Variants in ENOX1 observed in about 807,000 individuals in gnomAD.
ENOX1 encodes candidate growth-related and time keeping constitutive hydroquinone (NADH) oxidase.
In ENOX1, 42 loss-of-function variants were observed where a neutral mutation model predicts 82.5. That is an observed-to-expected ratio of 0.51 (90% confidence interval 0.40 to 0.66). ENOX1 has a LOEUF of 0.66. Among genes scored for constraint, ENOX1 ranks in the 30% least tolerant of loss-of-function variants. The pLI, the probability that ENOX1 is intolerant of heterozygous loss-of-function variation, is 0.00. For synonymous variants in ENOX1, 271 were observed against 282.2 expected (o/e 0.96, Z 0.40); for missense variants, 608 against 811.6 (o/e 0.75, Z 3.05).
At chr13:43,530,478 G>A (rs1307491049) in intron 2 of ENOX1, among the ~76,000 whole-genome samples, 1 of 152,028 alleles carries the variant, frequency 6.6e-6, no homozygotes, top group Non-Finnish European at 1.5e-5. Flanking sequence ...CTTAGAAAAT[G>A]GTTTAGCAGA....
At chr13:43,673,089 G>A (rs2085342829) in intron 1 of ENOX1, among the ~76,000 whole-genome samples, 1 of 151,772 alleles carries the variant, frequency 6.6e-6, no homozygotes, top group Admixed American at 6.6e-5. Context: ...AATAAGCAAT[G>A]GCTTACAGAA....
chr13:43,467,666 G>A (rs1052278030), intron 3 of ENOX1, among the ~76,000 whole-genome samples: 32 of 152,128 alleles, frequency 2.1e-4, no homozygotes, highest in African/African-American at 7.5e-4. Context: ...TTTTGATAAA[G>A]TCTGATTTAT....
In ENOX1 at chr13:43,556,511, G is replaced by A. The variant is rs528236922; in HGVS notation, c.-218-72359C>T. On this transcript the variant is annotated intron_variant, in intron 2 of 16. Transcript: ENST00000690772. ...CTCTCAAACTTCGTAGTAAGTTGAA[G>A]CTGAGAACTAAGAGGTCACATCAGG... is the stretch of plus-strand genomic sequence containing the variant. 8.6e-5 allele frequency among the ~76,000 whole-genome samples: 13 copies of A among 151,892 alleles called. No individual in the cohort carries two copies. In the South Asian group the frequency reaches 2.7e-3, roughly 32 times the overall value.
chr13:43,468,608 A>C (rs538351478), intron 3 of ENOX1, among the ~76,000 whole-genome samples: 1 of 150,168 alleles, frequency 6.7e-6, no homozygotes, highest in African/African-American at 2.4e-5. Context: ...TGGGCAATAT[A>C]GTGAGACCCC....
chr13:43,555,313 C>G (rs1447001395), intron 2 of ENOX1, among the ~76,000 whole-genome samples: 1 of 152,202 alleles, frequency 6.6e-6, no homozygotes, highest in Non-Finnish European at 1.5e-5. Context: ...TCAACCCTTG[C>G]TTTTTTGCCT....
chr13:43,419,421 C>T (rs1439298009), intron 3 of ENOX1, among the ~76,000 whole-genome samples: 1 of 151,962 alleles, frequency 6.6e-6, no homozygotes, highest in Non-Finnish European at 1.5e-5. Context: ...TAGTGCCCTC[C>T]TGTCGTCCCA....
At chr13:43,779,276 G>T (rs1952104904) in intron 1 of ENOX1, among the ~76,000 whole-genome samples, 1 of 152,126 alleles carries the variant, frequency 6.6e-6, no homozygotes, top group Non-Finnish European at 1.5e-5. Flanking sequence ...TATTTATTTG[G>T]GGAGGGGATC....
At chr13:43,727,164 G>A in intron 1 of ENOX1, among the ~76,000 whole-genome samples, 1 of 152,172 alleles carries the variant, frequency 6.6e-6, no homozygotes, top group East Asian at 1.9e-4. Flanking sequence ...TCAGACTCCA[G>A]AGCAAAGGCA....
chr13:43,516,382 G>A (rs2077561671), intron 2 of ENOX1, among the ~76,000 whole-genome samples: 1 of 152,150 alleles, frequency 6.6e-6, no homozygotes, highest in African/African-American at 2.4e-5. Flanking sequence ...CACTCCTGTT[G>A]CACAAAAGGG....
chr13:43,487,779 T>C (rs527785902), intron 2 of ENOX1, among the ~76,000 whole-genome samples: 2 of 152,322 alleles, frequency 1.3e-5, no homozygotes, highest in South Asian at 2.1e-4. Context: ...AAGTATAATA[T>C]AAAGATGTAC....
chr13:43,626,991 G>T (rs577299519), intron 2 of ENOX1, among the ~76,000 whole-genome samples: 1 of 151,550 alleles, frequency 6.6e-6, no homozygotes, highest in South Asian at 2.1e-4. Flanking sequence ...TTAACATTTA[G>T]AATTGCAATA....
intron 3 of ENOX1, among the ~76,000 whole-genome samples, chr13:43,454,100 T>C (rs2057106901): frequency 6.6e-6 from 1 of 152,186 alleles, no homozygotes; most frequent in Non-Finnish European, 1.5e-5. Context: ...TTTCTACTTC[T>C]TATTCCAGTA....
intron 2 of ENOX1, among the ~76,000 whole-genome samples, chr13:43,485,977 G>A (rs1249643123): frequency 6.6e-6 from 1 of 152,110 alleles, no homozygotes; most frequent in African/African-American, 2.4e-5. Context: ...TTGGGAGGCC[G>A]AGGTGGGTGG....
rs552101621 is a variant in ENOX1 at position 43,700,926 on chromosome 13, GCAATA to G, written c.-284-33387_-284-33383del. Among the ~76,000 whole-genome samples, 112 of 152,128 alleles carry G rather than the reference GCAATA, an allele frequency of 7.4e-4. 1 individual carries two copies. The South Asian group carries it at 0.012, about 17-fold the overall frequency. On this transcript the variant is annotated intron_variant, in intron 1 of 16. Transcript: ENST00000690772. ...AGGCAACTGTCCACAATCTATTCTT[GCAATA>G]CACTTTTTCACACATGGAATTTTAA...
chr13:43,349,222 C>T (rs1002918614), intron 8 of ENOX1, among the ~76,000 whole-genome samples: 8 of 152,040 alleles, frequency 5.3e-5, no homozygotes, highest in African/African-American at 9.7e-5. Flanking sequence ...TGAATGATCC[C>T]GTTATACTTC....
intron 13 of ENOX1, among the ~76,000 whole-genome samples, chr13:43,266,697 C>T (rs1214169294): frequency 6.6e-6 from 1 of 152,198 alleles, no homozygotes; most frequent in African/African-American, 2.4e-5. Context: ...AATAGGAATA[C>T]TGTCTATTAT....
chr13:43,434,961 T>G (rs1340674609), intron 3 of ENOX1, among the ~76,000 whole-genome samples: 4 of 115,158 alleles, frequency 3.5e-5, no homozygotes, highest in Admixed American at 8.6e-5. Flanking sequence ...TTTTTTTTTT[T>G]TGTATATCTA....
At chr13:43,289,417 C>T (rs2045878761) in intron 12 of ENOX1, among the ~76,000 whole-genome samples, 1 of 152,034 alleles carries the variant, frequency 6.6e-6, no homozygotes. Context: ...AACAAAGATA[C>T]ACACTTAACA....
At chr13:43,605,352 A>C (rs2081932519) in intron 2 of ENOX1, among the ~76,000 whole-genome samples, 1 of 152,186 alleles carries the variant, frequency 6.6e-6, no homozygotes, top group Non-Finnish European at 1.5e-5. Context: ...AAATAGCCAA[A>C]GCTATACCAA....
Sources: allele counts gnomAD v4.1 joint callset (sites outside exome capture counted in the v4.1 genomes callset), GRCh38; gene constraint gnomAD v4.1.1; transcripts MANE v1.5; gene names NCBI Gene and HGNC (gene_info 2026-07-23, HGNC 2026-07-21).